The following LINS1 variants were observed in gnomAD, a reference collection of about 807,000 sequenced individuals.
The protein encoded by LINS1 is lines homolog 1.
A neutral mutation model predicts 41.6 loss-of-function variants in LINS1; 27 were observed. The observed-to-expected ratio is 0.65, with a 90% confidence interval of 0.48 to 0.89. The LOEUF is 0.89. LINS1 is among the 40% of genes least tolerant of loss of function. LINS1 has a pLI of 0.00. For synonymous variants in LINS1, 336 were observed against 312.9 expected (o/e 1.07, Z -0.78); for missense variants, 955 against 884.1 (o/e 1.08, Z -1.02).
chr15:100,569,714 GT>G lies in LINS1; in HGVS notation c.1797del (p.Glu599AspfsTer3). 4 of 1,613,902 alleles carry G rather than the reference GT, an allele frequency of 2.5e-6. No individual in the cohort carries two copies. The highest frequency in any genetic ancestry group is 3.4e-6 in the Non-Finnish European group (4 of 1,179,876). On this transcript the variant is annotated frameshift_variant, in exon 7 of 7. Transcript: ENST00000314742. LOFTEE classifies it low-confidence loss of function (END_TRUNC). ...RHSWASDAPS[E>X]PLKAVMSKGA... ...CCCTTGGACATCACAGCTTTCAGTG[GT>G]TCAGAGGGAGCATCGGAAGCCCAGG...
At chr15:100,586,706 T>A (rs1436796571) in intron 1 of LINS1, among the ~76,000 whole-genome samples, 1 of 152,182 alleles carries the variant, frequency 6.6e-6, no homozygotes, top group Non-Finnish European at 1.5e-5. Context: ...AAAAGGTTAT[T>A]TATGAAATAC....
chr15:100,570,968 G>A (rs2037792026), intron 6 of LINS1, among the ~76,000 whole-genome samples: 1 of 152,108 alleles, frequency 6.6e-6, no homozygotes, highest in African/African-American at 2.4e-5. Flanking sequence ...TCCACTTCCT[G>A]AGGAGTAAGG....
intron 1 of LINS1, among the ~76,000 whole-genome samples, chr15:100,600,366 C>G (rs1370254706): frequency 6.6e-6 from 1 of 151,938 alleles, no homozygotes; most frequent in African/African-American, 2.4e-5. Context: ...TGACAACTGG[C>G]CCATTTCTAA....
intron 1 of LINS1, among the ~76,000 whole-genome samples, chr15:100,600,943 C>T (rs1308165713): frequency 6.6e-6 from 1 of 152,170 alleles, no homozygotes; most frequent in African/African-American, 2.4e-5. Context: ...TGACTCTCGG[C>T]GTCTTCTCAT....
intron 1 of LINS1, among the ~76,000 whole-genome samples, chr15:100,599,936 T>C (rs6598365): frequency 1 from 152,048 of 152,192 alleles, 75,952 homozygotes; most frequent in Middle Eastern, 1. Context: ...TGTGGTGGAG[T>C]GTGTCTGTAG....
At position 100,569,018 on chromosome 15, in the gene LINS1, G is replaced by T; in HGVS notation, c.*220C>A. 2.5e-6 allele frequency: 1 copy of T among 399,936 alleles called. No individual in the cohort carries two copies. 24.8% of individuals were successfully genotyped at this position (399,936 alleles called of 1,614,324 possible). A position where few individuals can be genotyped will look rare whatever the true frequency, so the allele number is the denominator to read the frequency against. On this transcript the variant is annotated 3_prime_UTR_variant, in exon 7 of 7. Coordinates refer to ENST00000314742, the MANE Select transcript of LINS1 (RefSeq NM_001040616.3). ...GGGCACCTGTAATTCCAGCTACTCG[G>T]GAGACTGAGGCAGGAGAATTGCTTG...
At chr15:100,578,351 A>G (rs1445204457) in intron 3 of LINS1, among the ~76,000 whole-genome samples, 2 of 152,186 alleles carry the variant, frequency 1.3e-5, no homozygotes, top group African/African-American at 4.8e-5. Flanking sequence ...AACCTCATCA[A>G]AAAGTGGGCA....
chr15:100,599,185 G>A (rs2039368094), intron 1 of LINS1, among the ~76,000 whole-genome samples: 1 of 152,102 alleles, frequency 6.6e-6, no homozygotes, highest in African/African-American at 2.4e-5. Flanking sequence ...CCATTTTTGT[G>A]AGTTTTATAT....
rs201857287 is a variant in LINS1 at position 100,569,747 on chromosome 15, G to A, written c.1765C>T (p.Arg589Trp). Reference protein sequence around the residue: ...APHSHRDVCARHSWASDAPSE... With the variant: ...APHSHRDVCAWHSWASDAPSE... ...GGAGCATCGGAAGCCCAGGAGTGCCGAGCACACACATCTCTGTGACTATGA... is the reference window on the plus strand; with the variant it reads ...GGAGCATCGGAAGCCCAGGAGTGCCAAGCACACACATCTCTGTGACTATGA... The change falls in exon 7 of 7, where the codon CGG becomes TGG. Residue 589 changes from arginine to tryptophan, a missense_variant. By Grantham distance (101) the Arg-to-Trp change is moderately radical. Coordinates refer to ENST00000314742, the MANE Select transcript of LINS1 (RefSeq NM_001040616.3). 128 of 1,613,692 alleles carry A rather than the reference G, an allele frequency of 7.9e-5. No homozygotes were observed. The highest frequency in any genetic ancestry group is 5.0e-4 in the Middle Eastern group (3 of 6,058).
chr15:100,581,356 A>G (rs1166155160), intron 1 of LINS1, among the ~76,000 whole-genome samples: 1 of 152,232 alleles, frequency 6.6e-6, no homozygotes, highest in Non-Finnish European at 1.5e-5. Flanking sequence ...CTGACCTGCC[A>G]GATTTTGACA....
chr15:100,573,859 A>C lies in LINS1; in HGVS notation c.1014T>G (p.Ala338=). The C allele has an allele frequency of 6.2e-7, 1 of 1,614,248 alleles. No individual in the cohort carries two copies. Residue 338 remains alanine, a synonymous_variant, in exon 5 of 7, where the codon GCT becomes GCG. Coordinates refer to ENST00000314742, the MANE Select transcript of LINS1 (RefSeq NM_001040616.3). Reference sequence around the variant, plus strand: ...AATTCACAGCTTGCAAAACAGCATTAGCTAAAGCCAGCATGTCCACCGCTA... The same window carrying C: ...AATTCACAGCTTGCAAAACAGCATTCGCTAAAGCCAGCATGTCCACCGCTA... ...HHVAVDMLAL[A]NAVLQAVNSG... is the part of the protein sequence containing the mutation.
rs1325862005 is a variant in LINS1 at position 100,573,652 on chromosome 15, T to C, written c.1221A>G (p.Lys407=). ...TACAAAAGGAGTTTGGAGAATTACC[T>C]TTCACTTCACTTGCTGAAGAATAAT... ...FQNYSSASEV[K]VDLQRFMSEL... The change falls in exon 5 of 7, where the codon AAA becomes AAG. Residue 407 remains lysine (K), a splice_region_variant and synonymous_variant. Coordinates refer to ENST00000314742, the MANE Select transcript of LINS1 (RefSeq NM_001040616.3). The C allele has an allele frequency of 6.4e-7, 1 of 1,563,168 alleles. No individual in the cohort carries two copies. The highest frequency in any genetic ancestry group is 8.8e-7 in the Non-Finnish European group (1 of 1,135,970).
At chr15:100,586,430 T>C (rs936622712) in intron 1 of LINS1, 1 of 152,256 alleles carries the variant, frequency 6.6e-6, no homozygotes, top group African/African-American at 2.4e-5. Context: ...ATTTAATATC[T>C]GGGTCATTTC....
chr15:100,597,866 C>T (rs918027513), intron 1 of LINS1, among the ~76,000 whole-genome samples: 10 of 152,204 alleles, frequency 6.6e-5, no homozygotes, highest in African/African-American at 1.4e-4. Flanking sequence ...ATTGATAAAA[C>T]GAGATTATCT....
In LINS1 at chr15:100,571,749, G is replaced by C. The variant is rs780731087; in HGVS notation, c.1394+145C>G. On this transcript the variant is annotated intron_variant, in intron 6 of 6. Transcript: ENST00000314742. ...GATACAAATGCAATCTCCTTTTCAT[G>C]TAAGTCAGGGTTAAAGAAAGGAACT... 4 of 951,646 alleles carry C rather than the reference G, an allele frequency of 4.2e-6. No homozygotes were observed. In the East Asian group the frequency reaches 1.0e-4, roughly 24 times the overall value. The allele number at this position is 951,646 out of a possible 1,614,324, so 59.0% of individuals were successfully genotyped here.
chr15:100,591,201 T>A (rs114001235), intron 1 of LINS1, among the ~76,000 whole-genome samples: 3,655 of 152,078 alleles, frequency 0.024, 128 homozygotes, highest in African/African-American at 0.08. Flanking sequence ...GGAAAAAAAA[T>A]AATAATAGTT....
At chr15:100,576,171 G>A (rs372510676) in intron 3 of LINS1, among the ~76,000 whole-genome samples, 2 of 152,178 alleles carry the variant, frequency 1.3e-5, no homozygotes, top group East Asian at 1.9e-4. Flanking sequence ...AAATAACTAA[G>A]ATCAGAGCAG....
intron 1 of LINS1, among the ~76,000 whole-genome samples, chr15:100,588,173 G>T (rs2038891587): frequency 6.6e-6 from 1 of 152,180 alleles, no homozygotes. Flanking sequence ...ATAAAGAGGG[G>T]TACCCTAGGA....
intron 1 of LINS1, among the ~76,000 whole-genome samples, chr15:100,598,296 G>A (rs767600159): frequency 2.6e-5 from 4 of 152,170 alleles, no homozygotes; most frequent in Non-Finnish European, 5.9e-5. Flanking sequence ...ATTTAGTAGT[G>A]TATATGTAAC....
Sources: gnomAD v4.1 joint callset for allele counts (sites outside exome capture counted in the v4.1 genomes callset) on GRCh38, gnomAD v4.1.1 for gene constraint, MANE v1.5 for transcripts, NCBI Gene and HGNC (gene_info 2026-07-23, HGNC 2026-07-21) for gene names.